Variants in PSMA2 observed in about 807,000 individuals in gnomAD.
PSMA2 encodes proteasome 20S subunit alpha 2.
In PSMA2, 2 loss-of-function variants were observed where a neutral mutation model predicts 35.9. The ratio of observed to expected loss-of-function variants is 0.06; its 90% CI spans 0.02 to 0.18. The LOEUF is 0.18. PSMA2 is among the 10% of genes least tolerant of loss of function. The probability of loss-of-function intolerance (pLI) is 1.00; values close to 1 mark genes in which losing one functional copy is unlikely to be tolerated. For synonymous variants in PSMA2, 97 were observed against 98.2 expected (o/e 0.99, Z 0.07); for missense variants, 126 against 278.8 (o/e 0.45, Z 3.90).
chr7:42,921,623 G>A (rs1156949717), intron 6 of PSMA2: 1 of 353,614 alleles, frequency 2.8e-6, no homozygotes, highest in African/African-American at 2.1e-5. Context: ...AAAGCATTTA[G>A]GAAACCATAG....
intron 5 of PSMA2, 40 bp from the exon 6 acceptor site, chr7:42,921,971 C>T: frequency 6.7e-7 from 1 of 1,496,630 alleles, no homozygotes; most frequent in Non-Finnish European, 9.2e-7. Context: ...TATTTTAAAA[C>T]ACAAATACAA....
At chr7:42,921,957 A>G in intron 5 of PSMA2, 26 bp from the exon 6 acceptor site, 1 of 1,576,430 alleles carries the variant, frequency 6.3e-7, no homozygotes, top group Non-Finnish European at 8.7e-7. Flanking sequence ...AGAGTAAAAA[A>G]CCATATTTTA....
chr7:42,932,150 C>T lies in PSMA2; in HGVS notation c.9G>A (p.Glu3=), dbSNP rs763261249. ...TAGTCAGCGAAAAGCTGTACCCGCGCTCCGCCATCTTTACCCGAAGAGCCA... is the reference window on the plus strand; with the variant it reads ...TAGTCAGCGAAAAGCTGTACCCGCGTTCCGCCATCTTTACCCGAAGAGCCA... The part of the protein sequence containing the change: MA[E]RGYSFSLTTF... Residue 3 remains glutamate (E), a synonymous_variant, in exon 1 of 8, where the codon GAG becomes GAA. Coordinates refer to ENST00000223321, the MANE Select transcript of PSMA2 (RefSeq NM_002787.5). 7 of 1,614,070 alleles carry T rather than the reference C, an allele frequency of 4.3e-6. No homozygotes were observed. In the East Asian group the frequency reaches 1.3e-4, roughly 31 times the overall value.
intron 6 of PSMA2, chr7:42,919,939 T>C (rs1158796194): frequency 5.3e-6 from 4 of 752,876 alleles, no homozygotes; most frequent in Non-Finnish European, 1.0e-5. Context: ...AGGAAAAACA[T>C]ATGGCCTTTG....
intron 5 of PSMA2, 148 bp downstream of exon 5, chr7:42,923,177 C>T: frequency 1.6e-6 from 1 of 620,940 alleles, no homozygotes; most frequent in Admixed American, 3.3e-5. Context: ...TAAATATACA[C>T]ACAAAAATGC....
chr7:42,920,726 C>A (rs1039772165), intron 6 of PSMA2: 2 of 152,042 alleles, frequency 1.3e-5, no homozygotes, highest in Non-Finnish European at 2.9e-5. Flanking sequence ...TAAATCCAGG[C>A]CTAAGATTTT....
At chr7:42,926,346 T>C (rs945828445) in intron 3 of PSMA2, among the ~76,000 whole-genome samples, 190 bp downstream of exon 3, 1 of 152,210 alleles carries the variant, frequency 6.6e-6, no homozygotes, top group African/African-American at 2.4e-5. Context: ...ACATCTGAGT[T>C]ATTCTCTTTA....
Position 42,917,097 on chromosome 7 carries a change from T to C in PSMA2, c.*477A>G, listed in dbSNP as rs17722119. The C allele has an allele frequency of 0.037, 5,774 of 157,358 alleles. 193 individuals are homozygous for C. The highest frequency in any genetic ancestry group is 0.1 in the East Asian group (537 of 5,372). The allele number at this position is 157,358 out of a possible 1,614,324, so 9.7% of individuals were successfully genotyped here. On this transcript the variant is annotated 3_prime_UTR_variant, in exon 8 of 8. Coordinates refer to ENST00000223321, the MANE Select transcript of PSMA2 (RefSeq NM_002787.5). ...TACAATCTCATAGAGCACCCTAGGA[T>C]TTCACTGATCAATACCTAATGGCAC...
chr7:42,929,548 C>T (rs1786263850), intron 1 of PSMA2, among the ~76,000 whole-genome samples: 1 of 152,154 alleles, frequency 6.6e-6, no homozygotes, highest in African/African-American at 2.4e-5. Context: ...TCCATAATGC[C>T]ACTATCCCAT....
chr7:42,921,759 A>G, intron 6 of PSMA2, 99 bp downstream of exon 6: 1 of 955,574 alleles, frequency 1.0e-6, no homozygotes, highest in Non-Finnish European at 1.6e-6. Flanking sequence ...AGAGTAATAT[A>G]GCAAGTTTCT....
At chr7:42,921,723 G>C (rs746125394) in intron 6 of PSMA2, 135 bp downstream of exon 6, 2 of 546,704 alleles carry the variant, frequency 3.7e-6, no homozygotes, top group Non-Finnish European at 6.1e-6. Flanking sequence ...GAAGTTTTTG[G>C]TTTATCTGTA....
At chr7:42,920,230 T>C in intron 6 of PSMA2, 1 of 279,154 alleles carries the variant, frequency 3.6e-6, no homozygotes, top group Non-Finnish European at 6.9e-6. Context: ...GCTCCATTGC[T>C]GAAACAACTA....
At chr7:42,923,219 A>T (rs1786154455) in intron 5 of PSMA2, 106 bp downstream of exon 5, 1 of 862,274 alleles carries the variant, frequency 1.2e-6, no homozygotes, top group Non-Finnish European at 1.8e-6. Flanking sequence ...CCCAAGAGAA[A>T]AGAAGAAAAT....
chr7:42,930,055 T>C (rs1583609850), intron 1 of PSMA2, among the ~76,000 whole-genome samples: 1 of 152,196 alleles, frequency 6.6e-6, no homozygotes, highest in Non-Finnish European at 1.5e-5. Context: ...TTTACTCATT[T>C]ATTGTCAATT....
At chr7:42,928,727 T>C (rs1297159082) in intron 1 of PSMA2, among the ~76,000 whole-genome samples, 4 of 152,178 alleles carry the variant, frequency 2.6e-5, no homozygotes, top group Admixed American at 1.3e-4. Flanking sequence ...GAATATTCCC[T>C]TGGTCACTCA....
intron 6 of PSMA2, chr7:42,920,015 CAA>C (rs1406056559): frequency 1.4e-6 from 1 of 705,246 alleles, no homozygotes; most frequent in East Asian, 2.6e-5. Context: ...TTTCCAAAGA[CAA>C]GAGAAGAGCT....
chr7:42,931,476 C>T (rs1786310377), intron 1 of PSMA2, among the ~76,000 whole-genome samples: 1 of 152,052 alleles, frequency 6.6e-6, no homozygotes, highest in African/African-American at 2.4e-5. Context: ...GTAAACATCC[C>T]CCTCCCCGAC....
chr7:42,919,658 C>A, intron 6 of PSMA2: 1 of 569,764 alleles, frequency 1.8e-6, no homozygotes, highest in Non-Finnish European at 3.4e-6. Context: ...TATGGCTGAT[C>A]CAGTGCTTTT....
chr7:42,931,391 A>C (rs1786308689), intron 1 of PSMA2, among the ~76,000 whole-genome samples: 1 of 152,196 alleles, frequency 6.6e-6, no homozygotes, highest in African/African-American at 2.4e-5. Flanking sequence ...GGTTCGCCCC[A>C]ACTGTATTTT....
Sources: allele counts gnomAD v4.1 joint callset (sites outside exome capture counted in the v4.1 genomes callset), GRCh38; gene constraint gnomAD v4.1.1; transcripts MANE v1.5; gene names NCBI Gene and HGNC (gene_info 2026-07-23, HGNC 2026-07-21).